Variants in TMTC1 observed in about 807,000 individuals in gnomAD.
TMTC1 encodes protein O-mannosyl-transferase TMTC1.
A neutral mutation model predicts 104.8 loss-of-function variants in TMTC1; 73 were observed. The ratio of observed to expected loss-of-function variants is 0.70; its 90% confidence interval spans 0.58 to 0.85. The LOEUF (loss-of-function observed/expected upper bound fraction) is 0.85, where lower values mean the gene tolerates loss of function less well. Ranked by LOEUF, TMTC1 falls within the 40% of genes least tolerant of loss-of-function variation. The pLI, the probability that TMTC1 is intolerant of heterozygous loss-of-function variation, is 0.00. For synonymous variants in TMTC1, 434 were observed against 428.7 expected (o/e 1.01, Z -0.15); for missense variants, 1,035 against 1,096.1 (o/e 0.94, Z 0.79).
chr12:29,710,889 A>AATATATAAATATATTAATAATATATAAAT (rs1267039315), intron 5 of TMTC1, among the ~76,000 whole-genome samples: 4 of 122,804 alleles, frequency 3.3e-5, no homozygotes, highest in African/African-American at 1.3e-4. Flanking sequence ...TTATATTATT[A>AATATATAAATATATTAATAATATATAAAT]ATATATAAAT....
intron 5 of TMTC1, among the ~76,000 whole-genome samples, chr12:29,643,309 A>G (rs1938951177): frequency 2.0e-5 from 3 of 151,042 alleles, no homozygotes; most frequent in Non-Finnish European, 2.9e-5. Flanking sequence ...CCCAGAACAT[A>G]AGAAGTTATT....
intron 5 of TMTC1, among the ~76,000 whole-genome samples, chr12:29,749,409 G>A (rs1490578996): frequency 4.6e-5 from 7 of 152,076 alleles, no homozygotes; most frequent in South Asian, 2.1e-4. Flanking sequence ...AGCTGTTATC[G>A]GCCAGACACT....
chr12:29,678,604 C>T (rs1940809778), intron 5 of TMTC1, among the ~76,000 whole-genome samples: 1 of 152,080 alleles, frequency 6.6e-6, no homozygotes, highest in Admixed American at 6.5e-5. Context: ...TTGATGTGAA[C>T]AAGAAATAAG....
chr12:29,587,291 T>A (rs971276021), intron 7 of TMTC1, among the ~76,000 whole-genome samples: 3 of 152,068 alleles, frequency 2.0e-5, no homozygotes, highest in African/African-American at 4.8e-5. Flanking sequence ...ATCCCCTTTA[T>A]CATTTTTTAT....
intron 11 of TMTC1, chr12:29,535,469 C>T (rs1389043589): frequency 2.0e-5 from 3 of 152,176 alleles, no homozygotes; most frequent in African/African-American, 7.2e-5. Flanking sequence ...AACTGACATA[C>T]AGTATCAAAT....
intron 6 of TMTC1, among the ~76,000 whole-genome samples, chr12:29,620,804 G>A (rs968319790): frequency 6.6e-6 from 1 of 152,172 alleles, no homozygotes; most frequent in African/African-American, 2.4e-5. Flanking sequence ...ATCAGCACAG[G>A]AAAAAGGTGG....
chr12:29,540,891 A>G (rs1475536271), intron 10 of TMTC1, among the ~76,000 whole-genome samples: 1 of 151,980 alleles, frequency 6.6e-6, no homozygotes, highest in Non-Finnish European at 1.5e-5. Flanking sequence ...GCTACTTGGG[A>G]GGCTGAGGCA....
intron 6 of TMTC1, among the ~76,000 whole-genome samples, chr12:29,606,026 AG>A (rs1410259511): frequency 6.6e-6 from 1 of 152,238 alleles, no homozygotes; most frequent in Admixed American, 6.5e-5. Context: ...TCCATGTTGC[AG>A]CAAAAGACAT....
intron 1 of TMTC1, among the ~76,000 whole-genome samples, chr12:29,770,661 C>G (rs759808184): frequency 1.3e-5 from 2 of 152,122 alleles, no homozygotes; most frequent in South Asian, 4.1e-4. Context: ...GTGAAAGTCC[C>G]TTACCTGGAA....
chr12:29,568,807 G>C (rs1208691919), intron 9 of TMTC1: 4 of 408,050 alleles, frequency 9.8e-6, no homozygotes, highest in African/African-American at 8.3e-5. Context: ...GGGAGTTTTT[G>C]TGTAGGAAGG....
At chr12:29,620,855 A>G (rs73073445) in intron 6 of TMTC1, among the ~76,000 whole-genome samples, 25,597 of 152,246 alleles carry the variant, frequency 0.17, 2,733 homozygotes, top group South Asian at 0.28. Flanking sequence ...AAGAGGCTGC[A>G]TCAACTGGGC....
intron 5 of TMTC1, among the ~76,000 whole-genome samples, chr12:29,743,899 G>T (rs1942887891): frequency 6.6e-6 from 1 of 152,194 alleles, no homozygotes; most frequent in African/African-American, 2.4e-5. Context: ...AGCACTAGCT[G>T]TGTTCTGCAA....
chr12:29,588,325 C>T (rs934079870), intron 7 of TMTC1, among the ~76,000 whole-genome samples: 3 of 152,158 alleles, frequency 2.0e-5, no homozygotes, highest in African/African-American at 7.2e-5. Context: ...AGGTATGGAG[C>T]TTTTTCTATA....
chr12:29,660,852 CA>C, intron 5 of TMTC1: 1 of 1,501,398 alleles, frequency 6.7e-7, no homozygotes. Flanking sequence ...TCATGGTAAG[CA>C]GGAAATTTCT....
At chr12:29,528,429 T>C (rs1488451270) in intron 11 of TMTC1, among the ~76,000 whole-genome samples, 1 of 152,196 alleles carries the variant, frequency 6.6e-6, no homozygotes, top group African/African-American at 2.4e-5. Context: ...CATGCAGCCA[T>C]GGGCTCCTCT....
intron 5 of TMTC1, among the ~76,000 whole-genome samples, chr12:29,640,290 C>A (rs751483344): frequency 2.6e-5 from 4 of 152,114 alleles, no homozygotes; most frequent in Non-Finnish European, 5.9e-5. Flanking sequence ...ATGGTGAGAT[C>A]ACGGCAGACA....
intron 10 of TMTC1, among the ~76,000 whole-genome samples, chr12:29,552,566 G>T (rs1197331453): frequency 6.6e-6 from 1 of 152,122 alleles, no homozygotes; most frequent in African/African-American, 2.4e-5. Context: ...GGGGCAGAAG[G>T]GCTAGAGCAG....
chr12:29,664,022 C>G (rs541905006), intron 5 of TMTC1, among the ~76,000 whole-genome samples: 4 of 151,184 alleles, frequency 2.6e-5, no homozygotes, highest in African/African-American at 9.7e-5. Context: ...CCCGTCTCTA[C>G]TAAAAATACA....
chr12:29,649,868 G>A (rs1205643131), intron 5 of TMTC1, among the ~76,000 whole-genome samples: 1 of 152,106 alleles, frequency 6.6e-6, no homozygotes. Flanking sequence ...GTTTTCTAAG[G>A]ATGCTAACTA....
Sources: allele counts gnomAD v4.1 joint callset (sites outside exome capture counted in the v4.1 genomes callset), GRCh38; gene constraint gnomAD v4.1.1; transcripts MANE v1.5; gene names NCBI Gene and HGNC (gene_info 2026-07-23, HGNC 2026-07-21).